NPAS3: variants seen among roughly 807,000 people sequenced by gnomAD.
The protein encoded by NPAS3 is neuronal PAS domain protein 3.
Under a neutral mutation model 73.1 loss-of-function variants are expected in NPAS3, and 14 were observed. That is an observed-to-expected ratio of 0.19 (90% CI 0.13 to 0.30). The LOEUF is 0.30. Ranked by LOEUF, NPAS3 falls within the 10% of genes least tolerant of loss-of-function variation. The pLI, the probability that NPAS3 is intolerant of heterozygous loss-of-function variation, is 1.00. For synonymous variants in NPAS3, 620 were observed against 541.5 expected, an observed-to-expected ratio of 1.14 and a Z score of -2.01; for missense variants, 1,096 against 1,250.0, an observed-to-expected ratio of 0.88 and a Z score of 1.86.
At chr14:33,622,094 C>T (rs2058092338) in intron 5 of NPAS3, among the ~76,000 whole-genome samples, 2 of 152,188 alleles carry the variant, frequency 1.3e-5, no homozygotes, top group Admixed American at 1.3e-4. Flanking sequence ...GTCTGCTTCA[C>T]CCATCTCTCT....
At chr14:33,137,576 C>T (rs1443078462) in intron 2 of NPAS3, among the ~76,000 whole-genome samples, 1 of 152,104 alleles carries the variant, frequency 6.6e-6, no homozygotes, top group Non-Finnish European at 1.5e-5. Context: ...TACACATCAA[C>T]CAGATTTTTG....
intron 6 of NPAS3, among the ~76,000 whole-genome samples, chr14:33,701,190 C>G (rs1406663624): frequency 3.9e-5 from 6 of 152,228 alleles, no homozygotes; most frequent in Admixed American, 3.9e-4. Context: ...TTTTCAAATA[C>G]ATGCTCATGT....
At chr14:33,638,369 G>T (rs1296933257) in intron 5 of NPAS3, among the ~76,000 whole-genome samples, 2 of 152,166 alleles carry the variant, frequency 1.3e-5, no homozygotes, top group Non-Finnish European at 2.9e-5. Flanking sequence ...AAGCAGGAAG[G>T]ATACTCTGGA....
At chr14:33,497,025 A>C (rs2052233225) in intron 4 of NPAS3, among the ~76,000 whole-genome samples, 1 of 152,206 alleles carries the variant, frequency 6.6e-6, no homozygotes, top group Admixed American at 6.5e-5. Flanking sequence ...TCAATGTGCA[A>C]AAATCACAAG....
intron 4 of NPAS3, among the ~76,000 whole-genome samples, chr14:33,403,929 C>T (rs1195461760): frequency 3.9e-5 from 6 of 152,080 alleles, no homozygotes; most frequent in Non-Finnish European, 7.4e-5. Flanking sequence ...CTACATCCTC[C>T]TGCTGACCAA....
chr14:33,618,534 G>A (rs1042511997), intron 5 of NPAS3, among the ~76,000 whole-genome samples: 2 of 152,050 alleles, frequency 1.3e-5, no homozygotes, highest in Admixed American at 6.6e-5. Context: ...AGGTGATAAG[G>A]CAAGTAATGG....
At chr14:33,724,544 G>A (rs2061209637) in intron 6 of NPAS3, among the ~76,000 whole-genome samples, 1 of 152,058 alleles carries the variant, frequency 6.6e-6, no homozygotes, top group Non-Finnish European at 1.5e-5. Flanking sequence ...TGAAGCAGAG[G>A]ATCACCTGAA....
At chr14:33,584,412 AGG>A (rs112243518) in intron 5 of NPAS3, among the ~76,000 whole-genome samples, 64,876 of 150,052 alleles carry the variant, frequency 0.43, 14,560 homozygotes, top group African/African-American at 0.57. Context: ...AAAAAAAAAA[AGG>A]GGGATCAATA....
At chr14:33,193,385 A>G (rs2046239073) in intron 2 of NPAS3, among the ~76,000 whole-genome samples, 1 of 152,172 alleles carries the variant, frequency 6.6e-6, no homozygotes, top group Non-Finnish European at 1.5e-5. Context: ...CTTAGAAAGA[A>G]GTACTTTTTT....
intron 2 of NPAS3, among the ~76,000 whole-genome samples, chr14:33,171,204 C>CT (rs967764822): frequency 6.6e-6 from 1 of 152,112 alleles, no homozygotes; most frequent in African/African-American, 2.4e-5. Flanking sequence ...TGAAAGGAAT[C>CT]TTTTTTTCTG....
At chr14:33,796,917 G>C (rs1453208715) in intron 10 of NPAS3, among the ~76,000 whole-genome samples, 1 of 152,156 alleles carries the variant, frequency 6.6e-6, no homozygotes, top group Admixed American at 6.5e-5. Context: ...TGTGTTGACA[G>C]TTTGGTAGCC....
intron 7 of NPAS3, among the ~76,000 whole-genome samples, chr14:33,741,876 G>A (rs1566488829): frequency 6.6e-6 from 1 of 152,114 alleles, no homozygotes; most frequent in African/African-American, 2.4e-5. Context: ...TATCTTTTCA[G>A]ATCAGTTTTC....
intron 2 of NPAS3, among the ~76,000 whole-genome samples, chr14:33,207,792 G>A (rs1303701344): frequency 2.6e-5 from 4 of 152,140 alleles, no homozygotes; most frequent in South Asian, 2.1e-4. Flanking sequence ...AGCCACAAAA[G>A]CAATTGATTG....
In NPAS3 at chr14:33,774,384, C is replaced by T. The variant is rs200259869; in HGVS notation, c.900C>T (p.His300=). 107 of 1,614,048 alleles carry T rather than the reference C, an allele frequency of 6.6e-5. 1 individual carries two copies. The Middle Eastern group carries it at 3.8e-3, about 57-fold the overall frequency. ...TACGCCTGAGAGTGTCGCTGTCCCACGGGAGGACCGTCCCCAGCCAAATCA... is the reference window on the plus strand; with the variant it reads ...TACGCCTGAGAGTGTCGCTGTCCCATGGGAGGACCGTCCCCAGCCAAATCA... The change falls in exon 8 of 12, where the codon CAC becomes CAT. Residue 300 remains histidine (H), a synonymous_variant. Transcript: ENST00000356141.
chr14:33,046,203 T>C (rs2040500446), intron 1 of NPAS3, among the ~76,000 whole-genome samples: 1 of 152,096 alleles, frequency 6.6e-6, no homozygotes, highest in South Asian at 2.1e-4. Context: ...GAAAATGGCA[T>C]GTTCAAAGGC....
chr14:33,166,021 C>T (rs1315208227), intron 2 of NPAS3, among the ~76,000 whole-genome samples: 1 of 152,150 alleles, frequency 6.6e-6, no homozygotes, highest in African/African-American at 2.4e-5. Context: ...TAGGTACCAG[C>T]CCCATGAGGA....
chr14:33,198,236 A>G (rs1005763486), intron 2 of NPAS3, among the ~76,000 whole-genome samples: 3 of 152,198 alleles, frequency 2.0e-5, no homozygotes, highest in African/African-American at 7.2e-5. Flanking sequence ...AAGCTTCCAC[A>G]GCATGGAAGG....
intron 2 of NPAS3, among the ~76,000 whole-genome samples, chr14:33,203,470 A>C (rs575830310): frequency 1.3e-3 from 189 of 151,122 alleles, no homozygotes; most frequent in African/African-American, 4.5e-3. Context: ...ATCCCTCCCC[A>C]CTCCCCACAC....
At chr14:33,315,321 G>C (rs1368237455) in intron 3 of NPAS3, among the ~76,000 whole-genome samples, 1 of 152,032 alleles carries the variant, frequency 6.6e-6, no homozygotes, top group Non-Finnish European at 1.5e-5. Flanking sequence ...GTATTCAGTA[G>C]ATAATATGTA....
Sources: gnomAD v4.1 joint callset for allele counts (sites outside exome capture counted in the v4.1 genomes callset) on GRCh38, gnomAD v4.1.1 for gene constraint, MANE v1.5 for transcripts, NCBI Gene and HGNC (gene_info 2026-07-23, HGNC 2026-07-21) for gene names.